The following SPINK6 variants were observed in gnomAD, a reference collection of about 807,000 sequenced individuals.
The protein encoded by SPINK6 is serine protease inhibitor Kazal-type 6.
A neutral mutation model predicts 11.7 loss-of-function variants in SPINK6; 13 were observed. The observed-to-expected ratio is 1.11, with a 90% confidence interval of 0.72 to 1.76. The LOEUF (loss-of-function observed/expected upper bound fraction) is 1.76. SPINK6 is among the 40% of genes most tolerant of loss of function. The pLI is 0.00. For synonymous variants in SPINK6, 21 were observed against 31.9 expected (o/e 0.66, Z 1.15); for missense variants, 98 against 93.7 (o/e 1.05, Z -0.19).
chr5:148,211,577 CTT>C (rs1755597958), intron 2 of SPINK6, among the ~76,000 whole-genome samples: 1 of 152,052 alleles, frequency 6.6e-6, no homozygotes, highest in Non-Finnish European at 1.5e-5. Flanking sequence ...ACATGTGTTC[CTT>C]GTTGTTTCTT....
At chr5:148,212,501 G>T (rs1301186163) in intron 2 of SPINK6, among the ~76,000 whole-genome samples, 2 of 115,700 alleles carry the variant, frequency 1.7e-5, no homozygotes, top group South Asian at 4.8e-4. Flanking sequence ...TATATATAAA[G>T]TATATATTTT....
intron 3 of SPINK6, among the ~76,000 whole-genome samples, chr5:148,214,582 A>G (rs1755657936): frequency 6.6e-6 from 1 of 152,192 alleles, no homozygotes; most frequent in Non-Finnish European, 1.5e-5. Flanking sequence ...GTCAGAAAAA[A>G]ACTATAGTCC....
At position 148,203,110 on chromosome 5, in the gene SPINK6, G is replaced by T; in HGVS notation, c.14G>T (p.Gly5Val). The T allele has an allele frequency of 6.2e-7, 1 of 1,611,240 alleles. No individual in the cohort carries two copies. Among genetic ancestry groups the T allele is most frequent in the Non-Finnish European group, 8.5e-7 (1 of 1,179,366 alleles). Residue 5 changes from glycine (G) to valine (V), a missense_variant, in exon 1 of 4, where the codon GGC (glycine) becomes GTC (valine). Physicochemically the swap from Gly to Val is moderately radical, Grantham distance 109 (BLOSUM62 -3). Transcript: ENST00000325630. ...CTAACTGACACAATGAAACTGTCAG[G>T]CATGTTTCTGCTCCTCTCTCTGGCT... MKLS[G>V]MFLLLSLALF...
chr5:148,207,845 T>C (rs1203451109), intron 2 of SPINK6, among the ~76,000 whole-genome samples: 1 of 152,126 alleles, frequency 6.6e-6, no homozygotes, highest in Non-Finnish European at 1.5e-5. Context: ...TTTTATGCTT[T>C]AGATGGGCCA....
At chr5:148,211,719 G>A (rs1461802898) in intron 2 of SPINK6, among the ~76,000 whole-genome samples, 2 of 152,158 alleles carry the variant, frequency 1.3e-5, no homozygotes, top group South Asian at 4.1e-4. Context: ...TAAAATTTAA[G>A]AGTATGATAT....
chr5:148,206,074 T>C lies in SPINK6; in HGVS notation c.81+16T>C. The stretch of plus-strand genomic sequence containing the variant: ...GGGAGGACAGGTCAGTGCCTATTTT[T>C]ATCTCTGCTTTCTGCCTGGGTGGTG... On this transcript the variant is annotated intron_variant, in intron 2 of 3. Transcript: ENST00000325630. 5 of 1,614,016 alleles carry C rather than the reference T, an allele frequency of 3.1e-6. No homozygotes were observed. The highest frequency in any genetic ancestry group is 4.2e-6 in the Non-Finnish European group (5 of 1,179,910).
At chr5:148,207,700 G>A (rs1755518690) in intron 2 of SPINK6, among the ~76,000 whole-genome samples, 1 of 152,104 alleles carries the variant, frequency 6.6e-6, no homozygotes, top group African/African-American at 2.4e-5. Flanking sequence ...GCGTGGTGGA[G>A]TACCTGCAGT....
chr5:148,214,308 C>T (rs1364982558), intron 3 of SPINK6, among the ~76,000 whole-genome samples: 1 of 152,032 alleles, frequency 6.6e-6, no homozygotes, highest in Non-Finnish European at 1.5e-5. Context: ...TACATTATAA[C>T]TTATTATATT....
At chr5:148,210,932 C>T (rs1327044332) in intron 2 of SPINK6, among the ~76,000 whole-genome samples, 1 of 152,078 alleles carries the variant, frequency 6.6e-6, no homozygotes, top group Non-Finnish European at 1.5e-5. Flanking sequence ...AATTATTTAA[C>T]CACATAGGTA....
At position 148,214,995 on chromosome 5, in the gene SPINK6, T is replaced by A; in HGVS notation, c.*45T>A. On this transcript the variant is annotated 3_prime_UTR_variant, in exon 4 of 4. Transcript: ENST00000325630. ...GGTGACTTGCCAGCTTTTGCAGCCT[T>A]CTTTTCTCACTTCTGCTTATACTTT... is the stretch of plus-strand genomic sequence containing the variant. 6.3e-7 allele frequency: 1 copy of A among 1,582,534 alleles called. No homozygotes were observed. Among genetic ancestry groups the A allele is most frequent in the Non-Finnish European group, 8.7e-7 (1 of 1,151,754 alleles).
intron 3 of SPINK6, among the ~76,000 whole-genome samples, chr5:148,214,496 C>T (rs1458614800): frequency 1.3e-5 from 2 of 152,128 alleles, no homozygotes; most frequent in Non-Finnish European, 2.9e-5. Context: ...ATGCATATTA[C>T]TGAGAGGGCT....
intron 2 of SPINK6, among the ~76,000 whole-genome samples, chr5:148,212,576 AT>A (rs1561733682): frequency 2.5e-4 from 26 of 102,380 alleles, no homozygotes; most frequent in African/African-American, 1.1e-3. Flanking sequence ...TATATTATAT[AT>A]TATATAAATA....
intron 2 of SPINK6, among the ~76,000 whole-genome samples, chr5:148,209,660 A>G (rs940779463): frequency 3.3e-5 from 5 of 152,102 alleles, no homozygotes; most frequent in Non-Finnish European, 5.9e-5. Flanking sequence ...TTAAGGAGAT[A>G]AAAACTTATT....
At chr5:148,213,271 G>A (rs1358303520) in intron 2 of SPINK6, among the ~76,000 whole-genome samples, 1 of 152,010 alleles carries the variant, frequency 6.6e-6, no homozygotes, top group Non-Finnish European at 1.5e-5. Context: ...GAGTGCGGTG[G>A]CGCGATCTGG....
Position 148,206,147 on chromosome 5 carries a change from A to G in SPINK6, c.81+89A>G, listed in dbSNP as rs1273567151. Reference sequence around the variant, plus strand: ...AAAAAGAAATTTGTCTATGGTTAACAGAGCAAAAACAATGAGCAGGCAAAC... The same window carrying G: ...AAAAAGAAATTTGTCTATGGTTAACGGAGCAAAAACAATGAGCAGGCAAAC... On this transcript the variant is annotated intron_variant, in intron 2 of 3. Coordinates refer to ENST00000325630, the MANE Select transcript of SPINK6 (RefSeq NM_205841.4). 8 of 1,430,090 alleles carry G rather than the reference A, an allele frequency of 5.6e-6. No individual in the cohort carries two copies. The East Asian group carries it at 1.6e-4, about 29-fold the overall frequency. 88.6% of individuals were successfully genotyped at this position (1,430,090 alleles called of 1,614,324 possible). A position where few individuals can be genotyped will look rare whatever the true frequency, so the allele number is the denominator to read the frequency against.
intron 2 of SPINK6, among the ~76,000 whole-genome samples, chr5:148,209,801 G>A (rs2113311125): frequency 6.6e-6 from 1 of 151,988 alleles, no homozygotes; most frequent in South Asian, 2.1e-4. Flanking sequence ...ATCTGAGGGA[G>A]GGTTGGAGAA....
chr5:148,212,781 T>C (rs1755629915), intron 2 of SPINK6, among the ~76,000 whole-genome samples: 1 of 134,416 alleles, frequency 7.4e-6, no homozygotes, highest in African/African-American at 2.7e-5. Flanking sequence ...TATATTTATA[T>C]ATTATATTAT....
intron 2 of SPINK6, among the ~76,000 whole-genome samples, chr5:148,208,022 T>C (rs950915077): frequency 1.3e-5 from 2 of 152,142 alleles, no homozygotes; most frequent in Non-Finnish European, 2.9e-5. Flanking sequence ...ACTGAGCATT[T>C]TTCCCTAGGT....
At chr5:148,207,020 T>TC (rs1755507924) in intron 2 of SPINK6, among the ~76,000 whole-genome samples, 1 of 46,464 alleles carries the variant, frequency 2.2e-5, no homozygotes, top group Non-Finnish European at 4.2e-5. Flanking sequence ...TGATGATGCA[T>TC]TTGTGTGTGT....
Sources: allele counts gnomAD v4.1 joint callset (sites outside exome capture counted in the v4.1 genomes callset), GRCh38; gene constraint gnomAD v4.1.1; transcripts MANE v1.5; gene names NCBI Gene and HGNC (gene_info 2026-07-23, HGNC 2026-07-21).